Variants in UNC13C observed in about 807,000 individuals in gnomAD.
UNC13C encodes protein unc-13 homolog C.
A neutral mutation model predicts 245.4 loss-of-function variants in UNC13C; 174 were observed. The observed-to-expected ratio is 0.71, with a 90% confidence interval of 0.63 to 0.80. The LOEUF (loss-of-function observed/expected upper bound fraction) is 0.80, where lower values mean the gene tolerates loss of function less well. Ranked by LOEUF, UNC13C falls within the 30% of genes least tolerant of loss-of-function variation. The pLI, the probability that UNC13C is intolerant of heterozygous loss-of-function variation, is 0.00. For synonymous variants in UNC13C, 992 were observed against 895.1 expected, an observed-to-expected ratio of 1.11 and a Z score of -1.93; for missense variants, 2,829 against 2,602.9, an observed-to-expected ratio of 1.09 and a Z score of -1.89.
At chr15:53,982,307 G>T (rs955312965) in intron 1 of UNC13C, among the ~76,000 whole-genome samples, 1 of 152,018 alleles carries the variant, frequency 6.6e-6, no homozygotes, top group African/African-American at 2.4e-5. Flanking sequence ...AAAGTGTTTT[G>T]CATGAAAATA....
At chr15:54,170,820 A>C (rs2033371276) in intron 4 of UNC13C, among the ~76,000 whole-genome samples, 1 of 152,178 alleles carries the variant, frequency 6.6e-6, no homozygotes, top group South Asian at 2.1e-4. Context: ...AGATACCTAA[A>C]AAGTAAACTG....
intron 2 of UNC13C, among the ~76,000 whole-genome samples, chr15:54,101,598 T>G (rs1480921247): frequency 6.6e-6 from 1 of 151,860 alleles, no homozygotes; most frequent in Non-Finnish European, 1.5e-5. Flanking sequence ...CTTTTTTTTT[T>G]GACAAGGAAT....
intron 24 of UNC13C, among the ~76,000 whole-genome samples, chr15:54,516,782 G>A (rs922071424): frequency 6.6e-5 from 9 of 135,646 alleles, no homozygotes; most frequent in African/African-American, 2.0e-4. Flanking sequence ...CCTGGAAAAC[G>A]GAGTGAGATG....
intron 26 of UNC13C, among the ~76,000 whole-genome samples, chr15:54,536,066 A>G (rs572063826): frequency 2.0e-5 from 3 of 152,200 alleles, no homozygotes; most frequent in Non-Finnish European, 4.4e-5. Context: ...AAGCATAAAT[A>G]AGATTGGTAG....
chr15:54,525,412 C>CAAAA (rs75531604), intron 24 of UNC13C, 137 bp from the exon 25 acceptor site: 7 of 395,346 alleles, frequency 1.8e-5, no homozygotes, highest in South Asian at 5.4e-5. Context: ...TTTCAAAGAC[C>CAAAA]AAAAAAAAAA....
intron 1 of UNC13C, among the ~76,000 whole-genome samples, chr15:53,989,639 C>G (rs368285138): frequency 1.3e-5 from 2 of 151,992 alleles, no homozygotes; most frequent in Admixed American, 6.6e-5. Flanking sequence ...TGCAAGTTAA[C>G]CGTAATTTTA....
At chr15:53,872,254 G>C in the UNC13C span, among the ~76,000 whole-genome samples, 1 of 152,118 alleles carries the variant, frequency 6.6e-6, no homozygotes, top group Non-Finnish European at 1.5e-5. Flanking sequence ...TGTCAGATAG[G>C]GAGTGGAGAA....
intron 4 of UNC13C, among the ~76,000 whole-genome samples, chr15:54,151,699 C>T (rs555661421): frequency 1.7e-4 from 26 of 152,246 alleles, no homozygotes; most frequent in African/African-American, 6.3e-4. Flanking sequence ...CCACAGCACC[C>T]AGCATTTACA....
the UNC13C span, among the ~76,000 whole-genome samples, chr15:53,897,792 T>A: frequency 6.6e-5 from 10 of 152,210 alleles, no homozygotes; most frequent in Non-Finnish European, 1.2e-4. Context: ...TAAAAGTTCT[T>A]CTATGTGCTG....
At chr15:54,577,214 G>T (rs1897993575) in intron 30 of UNC13C, among the ~76,000 whole-genome samples, 1 of 151,514 alleles carries the variant, frequency 6.6e-6, no homozygotes, top group Admixed American at 6.6e-5. Flanking sequence ...CTTTTTTTTG[G>T]CAAACTCTTG....
At chr15:54,530,870 CT>C (rs1355970663) in intron 25 of UNC13C, among the ~76,000 whole-genome samples, 3 of 152,040 alleles carry the variant, frequency 2.0e-5, no homozygotes, top group African/African-American at 7.3e-5. Context: ...GGCTTTCAGT[CT>C]GTCAAATACA....
chr15:54,313,858 A>T (rs770774331), intron 13 of UNC13C, among the ~76,000 whole-genome samples: 29 of 151,750 alleles, frequency 1.9e-4, no homozygotes, highest in Non-Finnish European at 4.1e-4. Context: ...AGTCACAATA[A>T]CTAAGACATG....
intron 1 of UNC13C, among the ~76,000 whole-genome samples, chr15:54,008,726 G>A (rs1222759757): frequency 6.6e-6 from 1 of 152,108 alleles, no homozygotes; most frequent in Non-Finnish European, 1.5e-5. Flanking sequence ...GAGAGGAGTA[G>A]GTATGTGGGT....
chr15:53,852,712 C>T, the UNC13C span, among the ~76,000 whole-genome samples: 92 of 152,124 alleles, frequency 6.0e-4, 1 homozygote, highest in Non-Finnish European at 3.5e-4. Flanking sequence ...CATTCTGTCT[C>T]TGCCGTCATA....
At chr15:54,039,610 G>T (rs561056279) in intron 2 of UNC13C, among the ~76,000 whole-genome samples, 18 of 151,718 alleles carry the variant, frequency 1.2e-4, no homozygotes, top group Non-Finnish European at 2.1e-4. Context: ...TCCTATTTAT[G>T]GTTGTATATT....
At chr15:54,525,412 CAAAAA>C (rs75531604) in intron 24 of UNC13C, 132 bp from the exon 25 acceptor site, 25 of 395,290 alleles carry the variant, frequency 6.3e-5, no homozygotes, top group East Asian at 1.2e-4. Context: ...TTTCAAAGAC[CAAAAA>C]AAAAAAAAAA....
intron 18 of UNC13C, among the ~76,000 whole-genome samples, chr15:54,413,762 T>C (rs510973): frequency 1 from 152,141 of 152,308 alleles, 75,991 homozygotes; most frequent in Middle Eastern, 1. Context: ...TTGAGGTTGT[T>C]TTGAGGTCAT....
intron 4 of UNC13C, among the ~76,000 whole-genome samples, chr15:54,205,021 C>T (rs1223286932): frequency 1.3e-5 from 2 of 151,748 alleles, no homozygotes; most frequent in African/African-American, 4.8e-5. Context: ...TTCCGTAATC[C>T]CATAATTGGG....
chr15:54,036,011 G>T (rs1896564534), intron 2 of UNC13C, among the ~76,000 whole-genome samples: 1 of 152,140 alleles, frequency 6.6e-6, no homozygotes, highest in Non-Finnish European at 1.5e-5. Context: ...AGGTTATAAA[G>T]AATTATTGTC....
Sources: allele counts gnomAD v4.1 joint callset (sites outside exome capture counted in the v4.1 genomes callset), GRCh38; gene constraint gnomAD v4.1.1; transcripts MANE v1.5; gene names NCBI Gene and HGNC (gene_info 2026-07-23, HGNC 2026-07-21).